RASA1: variants seen among roughly 807,000 people sequenced by gnomAD.
The protein encoded by RASA1 is ras GTPase-activating protein 1.
A neutral mutation model predicts 132.2 loss-of-function variants in RASA1; 25 were observed. The observed-to-expected ratio is 0.19, with a 90% CI of 0.14 to 0.26. RASA1 has a LOEUF of 0.26. Among genes scored for constraint, RASA1 ranks in the 10% least tolerant of loss-of-function variants. RASA1 has a pLI of 1.00. For synonymous variants in RASA1, 477 were observed against 449.9 expected, an observed-to-expected ratio of 1.06 and a Z score of -0.76; for missense variants, 964 against 1,299.2, an observed-to-expected ratio of 0.74 and a Z score of 3.97.
intron 9 of RASA1, among the ~76,000 whole-genome samples, chr5:87,361,658 G>T (rs1760101241): frequency 6.6e-6 from 1 of 152,112 alleles, no homozygotes; most frequent in Admixed American, 6.5e-5. Context: ...AGGAGATTTA[G>T]CAATTAATGT....
chr5:87,353,161 G>T lies in RASA1; in HGVS notation c.1258G>T (p.Gly420Trp). 1 of 1,607,418 alleles carries T rather than the reference G, an allele frequency of 6.2e-7. No individual in the cohort carries two copies. Reference protein sequence around the residue: ...MMGGRYYNSIGDIIDHYRKEQ... With the variant: ...MMGGRYYNSIWDIIDHYRKEQ... ...TAGAAATTTTTATTTTAACAGCATT[G>T]GGGACATCATAGATCACTATCGAAA... is the stretch of plus-strand genomic sequence containing the variant. Residue 420 changes from glycine (G) to tryptophan (W), a missense_variant, in exon 9 of 25, where the codon GGG becomes TGG. Physicochemically the swap from Gly to Trp is radical, Grantham distance 184. Coordinates refer to ENST00000274376, the MANE Select transcript of RASA1 (RefSeq NM_002890.3).
At chr5:87,299,906 A>G (rs1561264965) in intron 1 of RASA1, 2 of 152,192 alleles carry the variant, frequency 1.3e-5, no homozygotes, top group African/African-American at 2.4e-5. Context: ...TAGATGTTGA[A>G]AGAATAAATC....
intron 22 of RASA1, 108 bp from the exon 23 acceptor site, chr5:87,386,718 A>G: frequency 1.1e-6 from 1 of 892,922 alleles, no homozygotes; most frequent in Non-Finnish European, 1.9e-6. Context: ...ATTTGGTGCA[A>G]TAGTAATTGC....
At position 87,353,886 on chromosome 5, in the gene RASA1, A is replaced by C. The variant is rs567856779; in HGVS notation, c.1332+651A>C. 2.2e-4 allele frequency among the ~76,000 whole-genome samples: 33 copies of C among 152,230 alleles called. No individual in the cohort carries two copies. The South Asian group carries it at 6.6e-3, about 31-fold the overall frequency. On this transcript the variant is annotated intron_variant, in intron 9 of 24. Transcript: ENST00000274376. ...TTAGCTTCTGTTTCTTCCTCATTGC[A>C]CTTTCTGAAGTATATGGTAGGGAAA... is the stretch of plus-strand genomic sequence containing the variant.
rs761904245 is a variant in RASA1, at chr5:87,349,275, T to C, written c.1164T>C (p.Leu388=). The change falls in exon 8 of 25, where the codon CTT becomes CTC. Residue 388 remains leucine (L), a synonymous_variant. Coordinates refer to ENST00000274376, the MANE Select transcript of RASA1 (RefSeq NM_002890.3). ...ATAATACTCCTGGCGATTATTCACT[T>C]TATTTCCGGACCAATGAAAATATTC... is the stretch of plus-strand genomic sequence containing the variant. ...PSDNTPGDYS[L]YFRTNENIQR... is the part of the protein sequence containing the mutation. The C allele has an allele frequency of 3.1e-6, 5 of 1,612,152 alleles. No individual in the cohort carries two copies. In the African/African-American group the frequency reaches 6.7e-5, roughly 22 times the overall value.
At chr5:87,337,898 T>G in intron 4 of RASA1, 76 bp from the exon 5 acceptor site, 1 of 1,414,164 alleles carries the variant, frequency 7.1e-7, no homozygotes, top group Non-Finnish European at 9.5e-7. Context: ...CCCTATCCTA[T>G]TTTGTGGTAT....
At position 87,388,583 on chromosome 5, in the gene RASA1, T is replaced by C. The variant is rs945789836; in HGVS notation, c.2926-810T>C. Among the ~76,000 whole-genome samples, 5 of 152,324 alleles carry C rather than the reference T, an allele frequency of 3.3e-5. No homozygotes were observed. In the East Asian group the frequency reaches 7.7e-4, roughly 23 times the overall value. On this transcript the variant is annotated intron_variant, in intron 23 of 24. Coordinates refer to ENST00000274376, the MANE Select transcript of RASA1 (RefSeq NM_002890.3). ...CTGGTCTCAAGCATTTTGGGTGATA[T>C]TCAACCTATACTATAAACTTTCATT...
intron 1 of RASA1, 126 bp downstream of exon 1, chr5:87,269,116 G>A (rs182129079): frequency 5.0e-6 from 8 of 1,613,610 alleles, no homozygotes; most frequent in Non-Finnish European, 6.8e-6. Flanking sequence ...GAAGTTTCAG[G>A]TTTCTTGGGT....
At chr5:87,380,652 A>G in intron 20 of RASA1, 57 bp downstream of exon 20, 2 of 1,401,114 alleles carry the variant, frequency 1.4e-6, no homozygotes, top group Admixed American at 3.4e-5. Context: ...TAATTGTGAA[A>G]AATTGAGGAA....
intron 9 of RASA1, among the ~76,000 whole-genome samples, chr5:87,360,343 C>T (rs1006181998): frequency 6.6e-6 from 1 of 152,054 alleles, no homozygotes; most frequent in Non-Finnish European, 1.5e-5. Flanking sequence ...CCAGGCTGGG[C>T]GAACTCCTGA....
intron 1 of RASA1, among the ~76,000 whole-genome samples, chr5:87,327,043 A>G (rs1269930611): frequency 6.6e-6 from 1 of 152,206 alleles, no homozygotes; most frequent in Non-Finnish European, 1.5e-5. Context: ...ATATCCTTTG[A>G]GTATCCTCTA....
intron 7 of RASA1, among the ~76,000 whole-genome samples, chr5:87,348,906 T>G (rs758989305): frequency 6.6e-6 from 1 of 152,002 alleles, no homozygotes; most frequent in Non-Finnish European, 1.5e-5. Context: ...CTAACTATGC[T>G]TAGGTTCCTT....
chr5:87,333,137 T>C (rs1757716702), intron 3 of RASA1, 130 bp from the exon 4 acceptor site: 1 of 1,388,892 alleles, frequency 7.2e-7, no homozygotes, highest in Admixed American at 2.7e-5. Flanking sequence ...ATAGTCCAAG[T>C]AAAAATTTAT....
chr5:87,378,276 C>A, intron 17 of RASA1, 120 bp from the exon 18 acceptor site: 2 of 1,178,526 alleles, frequency 1.7e-6, no homozygotes, highest in Admixed American at 1.7e-5. Flanking sequence ...CAACGCTGCA[C>A]GCAAAAAGCA....
intron 9 of RASA1, among the ~76,000 whole-genome samples, chr5:87,359,412 T>C (rs547446794): frequency 2.0e-5 from 3 of 152,342 alleles, no homozygotes; most frequent in African/African-American, 7.2e-5. Context: ...TGAAAAGTGA[T>C]GTTGTGTTTT....
chr5:87,386,038 A>T (rs1762040861), intron 22 of RASA1, among the ~76,000 whole-genome samples: 2 of 152,006 alleles, frequency 1.3e-5, no homozygotes. Context: ...GTGTTACAAG[A>T]TTTCCTGTCA....
chr5:87,276,761 G>A (rs934300346), intron 1 of RASA1, among the ~76,000 whole-genome samples: 6 of 152,272 alleles, frequency 3.9e-5, no homozygotes, highest in African/African-American at 1.4e-4. Context: ...GTGAGAAAGT[G>A]TGATTAACTT....
chr5:87,318,696 C>A (rs1050734893), intron 1 of RASA1: 1 of 152,194 alleles, frequency 6.6e-6, no homozygotes, highest in Non-Finnish European at 1.5e-5. Flanking sequence ...CTGGGAATTA[C>A]AATTCAACAT....
chr5:87,368,778 C>A (rs1380588829), intron 11 of RASA1, among the ~76,000 whole-genome samples: 1 of 152,170 alleles, frequency 6.6e-6, no homozygotes, highest in Non-Finnish European at 1.5e-5. Context: ...GAACTGGCAA[C>A]TGCCTTGAAC....
Sources: gnomAD v4.1 joint callset for allele counts (sites outside exome capture counted in the v4.1 genomes callset) on GRCh38, gnomAD v4.1.1 for gene constraint, MANE v1.5 for transcripts, NCBI Gene and HGNC (gene_info 2026-07-23, HGNC 2026-07-21) for gene names.